Variants in SARNP observed in about 807,000 individuals in gnomAD.
The protein encoded by SARNP is SAP domain containing ribonucleoprotein, also known as SAP domain-containing ribonucleoprotein.
In SARNP, 5 loss-of-function variants were observed where a neutral mutation model predicts 38.1. The observed-to-expected ratio is 0.13, with a 90% CI of 0.07 to 0.28. SARNP has a LOEUF of 0.28. SARNP is among the 10% of genes least tolerant of loss of function. The pLI is 1.00. For missense variants in SARNP, 180 were observed against 243.9 expected, an observed-to-expected ratio of 0.74 and a Z score of 1.75; for synonymous variants, 84 against 80.6, an observed-to-expected ratio of 1.04 and a Z score of -0.23.
At chr12:55,780,104 T>C (rs1012772036) in intron 9 of SARNP, among the ~76,000 whole-genome samples, 2 of 152,138 alleles carry the variant, frequency 1.3e-5, no homozygotes, top group African/African-American at 4.8e-5. Context: ...GCTGTGATCA[T>C]GCCACTGCAC....
chr12:55,816,795 T>C (rs1188660378), intron 1 of SARNP, among the ~76,000 whole-genome samples: 2 of 152,206 alleles, frequency 1.3e-5, no homozygotes, highest in Admixed American at 1.3e-4. Context: ...AACTTTTTTA[T>C]ATATCTAAGT....
intron 9 of SARNP, among the ~76,000 whole-genome samples, chr12:55,770,985 G>A (rs954676460): frequency 2.0e-5 from 3 of 150,532 alleles, no homozygotes; most frequent in Non-Finnish European, 3.0e-5. Flanking sequence ...GCCCAAGCTG[G>A]AGTGTGCAAT....
downstream of SARNP, chr12:55,754,593 T>A (rs1225740496): frequency 6.6e-6 from 1 of 152,208 alleles, no homozygotes. Flanking sequence ...CACAAACATG[T>A]TCAAACTAGG....
At chr12:55,816,291 A>G (rs923925154) in intron 1 of SARNP, among the ~76,000 whole-genome samples, 11 of 152,330 alleles carry the variant, frequency 7.2e-5, no homozygotes, top group Non-Finnish European at 7.4e-5. Context: ...GTTATATTTT[A>G]TAACAGTCCA....
intron 1 of SARNP, among the ~76,000 whole-genome samples, chr12:55,809,301 G>A (rs545916549): frequency 3.3e-5 from 5 of 151,776 alleles, no homozygotes; most frequent in African/African-American, 1.2e-4. Context: ...AAAATTAGCC[G>A]AGCATAGTCG....
At chr12:55,777,989 T>A (rs1376289129) in intron 9 of SARNP, among the ~76,000 whole-genome samples, 2 of 152,044 alleles carry the variant, frequency 1.3e-5, no homozygotes, top group Admixed American at 6.6e-5. Context: ...ATAATAAAAG[T>A]AAGAAGTGTG....
chr12:55,764,083 C>T (rs1053602337), intron 9 of SARNP, among the ~76,000 whole-genome samples: 1 of 152,170 alleles, frequency 6.6e-6, no homozygotes, highest in African/African-American at 2.4e-5. Context: ...TACTAGGACC[C>T]CTTCTTCTAA....
chr12:55,768,331 T>C lies in SARNP; in HGVS notation c.502-7691A>G, dbSNP rs544968570. 7.2e-4 allele frequency among the ~76,000 whole-genome samples: 109 copies of C among 150,776 alleles called. 2 individuals carry two copies. The highest frequency in any genetic ancestry group is 6.9e-3 in the Admixed American group (105 of 15,112). On this transcript the variant is annotated intron_variant, in intron 9 of 10. Transcript: ENST00000336133. Reference sequence around the variant, plus strand: ...TTTTAGTAGAGACAGGGTTTCTCCATGTTGGCTTGGCTGGTCTCGAACTCC... The same window carrying C: ...TTTTAGTAGAGACAGGGTTTCTCCACGTTGGCTTGGCTGGTCTCGAACTCC...
chr12:55,808,091 C>T (rs1880209703), intron 1 of SARNP, among the ~76,000 whole-genome samples: 1 of 152,204 alleles, frequency 6.6e-6, no homozygotes, highest in African/African-American at 2.4e-5. Context: ...CCAGCCTACA[C>T]ACAGCTTTTA....
rs116053062 is a variant in SARNP at position 55,800,905 on chromosome 12, A to G, written c.137-5T>C. On this transcript the variant is annotated splice_region_variant and splice_polypyrimidine_tract_variant and intron_variant, in intron 2 of 10. Transcript: ENST00000336133. ...CTTCATTTGCCTCCTCTTCAGCTAA[A>G]GAATATTAAAATATTCAGGTCAAGC... is the stretch of plus-strand genomic sequence containing the variant. 412 of 1,610,858 alleles carry G rather than the reference A, an allele frequency of 2.6e-4. 2 individuals carry two copies. In the African/African-American group the frequency reaches 5.0e-3, roughly 19 times the overall value.
chr12:55,772,079 C>G (rs911643720), intron 9 of SARNP, among the ~76,000 whole-genome samples: 1 of 152,140 alleles, frequency 6.6e-6, no homozygotes, highest in African/African-American at 2.4e-5. Context: ...TTATGCCAAC[C>G]AGACGACAGA....
chr12:55,796,162 C>T lies in SARNP; in HGVS notation c.252-86G>A. 6.6e-6 allele frequency: 6 copies of T among 913,760 alleles called. No homozygotes were observed. In the South Asian group the frequency reaches 7.0e-5, roughly 11 times the overall value. The allele number at this position is 913,760 out of a possible 1,614,324, so 56.6% of individuals were successfully genotyped here. A position where few individuals can be genotyped will look rare whatever the true frequency, so the allele number is the denominator to read the frequency against. ...AATGTGTAAGAATTCACCTGAGTCACCATTCTCTGCCCTATTATCTCTCTG... is the reference window on the plus strand; with the variant it reads ...AATGTGTAAGAATTCACCTGAGTCATCATTCTCTGCCCTATTATCTCTCTG... On this transcript the variant is annotated intron_variant, in intron 4 of 10. Coordinates refer to ENST00000336133, the MANE Select transcript of SARNP (RefSeq NM_033082.4).
At chr12:55,784,595 T>C (rs576918377) in intron 9 of SARNP, among the ~76,000 whole-genome samples, 2 of 152,362 alleles carry the variant, frequency 1.3e-5, no homozygotes, top group South Asian at 4.1e-4. Flanking sequence ...AAAAAAATTC[T>C]CAGCTACAGA....
At position 55,757,424 on chromosome 12, in the gene SARNP, C is replaced by A; in HGVS notation, c.*88G>T. The A allele has an allele frequency of 8.5e-7, 1 of 1,173,596 alleles. No individual in the cohort carries two copies. Among genetic ancestry groups the A allele is most frequent in the South Asian group, 1.4e-5 (1 of 69,274 alleles). The allele number at this position is 1,173,596 out of a possible 1,614,324, so 72.7% of individuals were successfully genotyped here. On this transcript the variant is annotated 3_prime_UTR_variant, in exon 11 of 11. Coordinates refer to ENST00000336133, the MANE Select transcript of SARNP (RefSeq NM_033082.4). ...CTCATTGCGAGGCAGGACGTAGGCA[C>A]ATGACTGTGCATTTAGGCATATATG...
intron 9 of SARNP, among the ~76,000 whole-genome samples, chr12:55,775,123 G>A (rs1260455501): frequency 2.7e-5 from 4 of 150,624 alleles, no homozygotes; most frequent in African/African-American, 7.3e-5. Context: ...TCCTGACCTC[G>A]TGATCCGCCT....
At chr12:55,803,134 A>T (rs1218586537) in intron 2 of SARNP, among the ~76,000 whole-genome samples, 2 of 152,094 alleles carry the variant, frequency 1.3e-5, no homozygotes, top group East Asian at 3.8e-4. Context: ...GAATAGAAAT[A>T]AAAGGGAATA....
At chr12:55,759,269 T>C (rs1260178095) in intron 10 of SARNP, among the ~76,000 whole-genome samples, 5 of 152,172 alleles carry the variant, frequency 3.3e-5, no homozygotes, top group African/African-American at 9.6e-5. Flanking sequence ...ATTAAATATT[T>C]TAAAACTATC....
chr12:55,768,042 T>C (rs888718853), intron 9 of SARNP, among the ~76,000 whole-genome samples: 10 of 152,266 alleles, frequency 6.6e-5, no homozygotes, highest in African/African-American at 2.4e-4. Context: ...ATTTGGGTTG[T>C]GGAAGAACAG....
Position 55,803,657 on chromosome 12 carries a change from G to A in SARNP, c.108C>T (p.His36=), listed in dbSNP as rs776909587. ...ETKGIKQDLI[H]RLQAYLEEHA... ...GTTCTTCAAGATATGCCTGGAGTCT[G>A]TGGATAAGATCTTGCTTTATTCCCT... is the stretch of plus-strand genomic sequence containing the variant. The change falls in exon 2 of 11, where the codon CAC becomes CAT. Residue 36 remains histidine, a synonymous_variant. Transcript: ENST00000336133. 4 of 1,612,900 alleles carry A rather than the reference G, an allele frequency of 2.5e-6. No individual in the cohort carries two copies. Among genetic ancestry groups the A allele is most frequent in the Non-Finnish European group, 3.4e-6 (4 of 1,179,108 alleles).
Sources: gnomAD v4.1 joint callset for allele counts (sites outside exome capture counted in the v4.1 genomes callset) on GRCh38, gnomAD v4.1.1 for gene constraint, MANE v1.5 for transcripts, NCBI Gene and HGNC (gene_info 2026-07-23, HGNC 2026-07-21) for gene names.